Variants in ADD3 observed in about 807,000 individuals in gnomAD.
The protein encoded by ADD3 is adducin 3.
In ADD3, 25 loss-of-function variants were observed where a neutral mutation model predicts 80.2. That is an observed-to-expected ratio of 0.31 (90% CI 0.23 to 0.44). ADD3 has a LOEUF of 0.44. ADD3 is among the 20% of genes least tolerant of loss of function. ADD3 has a pLI of 1.00. For synonymous variants in ADD3, 284 were observed against 289.6 expected (o/e 0.98, Z 0.20); for missense variants, 829 against 847.5 (o/e 0.98, Z 0.27).
chr10:110,111,793 A>T (rs1057278896), intron 2 of ADD3, among the ~76,000 whole-genome samples: 1 of 151,966 alleles, frequency 6.6e-6, no homozygotes, highest in Non-Finnish European at 1.5e-5. Context: ...CATGCCTGTA[A>T]TCCCAGCTAC....
intron 1 of ADD3, among the ~76,000 whole-genome samples, chr10:110,048,944 C>T (rs1292472762): frequency 6.6e-6 from 1 of 152,174 alleles, no homozygotes; most frequent in Admixed American, 6.5e-5. Flanking sequence ...AAACTTTGTG[C>T]CAGCCCCTCC....
chr10:110,043,967 G>C (rs888769912), intron 1 of ADD3, among the ~76,000 whole-genome samples: 2 of 152,176 alleles, frequency 1.3e-5, no homozygotes, highest in African/African-American at 4.8e-5. Context: ...CCAGCACTTT[G>C]GGAGGCTGAG....
In ADD3 at chr10:110,111,508, G is replaced by C. The variant is rs1487166101; in HGVS notation, c.196-1269G>C. Among the ~76,000 whole-genome samples, 5 of 152,130 alleles carry C rather than the reference G, an allele frequency of 3.3e-5. No homozygotes were observed. The South Asian group carries it at 6.2e-4, about 19-fold the overall frequency. On this transcript the variant is annotated intron_variant, in intron 2 of 14. Transcript: ENST00000356080. Reference sequence around the variant, plus strand: ...GAATAGAGGCGTTCTCTTAATATTAGTTCAGGATTTTGATCTCTATAAACA... The same window carrying C: ...GAATAGAGGCGTTCTCTTAATATTACTTCAGGATTTTGATCTCTATAAACA...
chr10:109,997,991 T>G (rs1169993587), intron 1 of ADD3, among the ~76,000 whole-genome samples: 2 of 152,228 alleles, frequency 1.3e-5, no homozygotes, highest in Non-Finnish European at 1.5e-5. Context: ...ATTGGGTATA[T>G]ACTCTGTGAC....
intron 1 of ADD3, among the ~76,000 whole-genome samples, chr10:109,997,224 CTT>C: frequency 6.6e-6 from 1 of 152,200 alleles, no homozygotes. Context: ...AATCTTAAGT[CTT>C]TGTGTTATTA....
At position 110,065,755 on chromosome 10, in the gene ADD3, G is replaced by T. The variant is rs192355605; in HGVS notation, c.-29-34870G>T. Among the ~76,000 whole-genome samples the T allele has an allele frequency of 4.4e-3, 660 of 150,726 alleles. 4 individuals are homozygous for T. The highest frequency in any genetic ancestry group is 0.015 in the African/African-American group (604 of 41,184). On this transcript the variant is annotated intron_variant, in intron 1 of 14. Coordinates refer to ENST00000356080, the MANE Select transcript of ADD3 (RefSeq NM_016824.5). ...AGGTTTCACCATTTTGGCCAGGCTGGTCTCGAACTCCTGACCTTAAATGAT... is the reference window on the plus strand; with the variant it reads ...AGGTTTCACCATTTTGGCCAGGCTGTTCTCGAACTCCTGACCTTAAATGAT...
intron 8 of ADD3, 199 bp from the exon 9 acceptor site, chr10:110,121,911 G>A (rs535577424): frequency 2.2e-6 from 1 of 445,486 alleles, no homozygotes; most frequent in East Asian, 3.4e-5. Context: ...TCAGAGTCTT[G>A]GAAGGTTTCT....
At chr10:110,096,209 A>C (rs1017306622) in intron 1 of ADD3, among the ~76,000 whole-genome samples, 1 of 152,204 alleles carries the variant, frequency 6.6e-6, no homozygotes. Flanking sequence ...TTCTACCTAG[A>C]AATCTTAGTG....
chr10:110,064,779 G>T (rs1164274241), intron 1 of ADD3, among the ~76,000 whole-genome samples: 1 of 151,890 alleles, frequency 6.6e-6, no homozygotes, highest in Non-Finnish European at 1.5e-5. Context: ...TATTAACCAG[G>T]GTATTAGTTC....
chr10:110,077,657 C>T (rs754813132), intron 1 of ADD3, among the ~76,000 whole-genome samples: 3 of 152,130 alleles, frequency 2.0e-5, no homozygotes, highest in African/African-American at 7.2e-5. Flanking sequence ...AAGTTCTGTT[C>T]CATGCCTCAT....
intron 1 of ADD3, among the ~76,000 whole-genome samples, chr10:110,067,712 C>CCTT (rs1844146129): frequency 6.6e-6 from 1 of 152,120 alleles, no homozygotes; most frequent in African/African-American, 2.4e-5. Context: ...ATGGCATGGT[C>CCTT]CACAAGATAA....
chr10:110,025,584 T>TAAGG (rs60500608), intron 1 of ADD3, among the ~76,000 whole-genome samples: 2 of 151,918 alleles, frequency 1.3e-5, no homozygotes, highest in African/African-American at 2.4e-5. Context: ...CAAATAGAAA[T>TAAGG]AGAGAGGGTG....
rs190505052 is a variant in ADD3 at position 110,072,876 on chromosome 10, A to G, written c.-29-27749A>G. Reference sequence around the variant, plus strand: ...TATAGGATGGCAGACTGTTTCATGAAGCTTCCTCCTACATAGAACTCACAC... The same window carrying G: ...TATAGGATGGCAGACTGTTTCATGAGGCTTCCTCCTACATAGAACTCACAC... On this transcript the variant is annotated intron_variant, in intron 1 of 14. Transcript: ENST00000356080. Among the ~76,000 whole-genome samples, 3 of 152,282 alleles carry G rather than the reference A, an allele frequency of 2.0e-5. No individual in the cohort carries two copies. The East Asian group carries it at 5.8e-4, about 29-fold the overall frequency.
intron 1 of ADD3, chr10:110,016,423 C>G (rs1853001780): frequency 6.6e-6 from 1 of 152,100 alleles, no homozygotes; most frequent in South Asian, 2.1e-4. Context: ...AAAGAGAAAC[C>G]TGAAGAAGTT....
chr10:109,998,817 C>G (rs548685537), intron 1 of ADD3, among the ~76,000 whole-genome samples: 2 of 152,258 alleles, frequency 1.3e-5, no homozygotes, highest in South Asian at 2.1e-4. Flanking sequence ...CCTTCTTCAT[C>G]CATCCTAACT....
rs547422472 is a variant in ADD3 at position 110,066,131 on chromosome 10, G to A, written c.-29-34494G>A. ...ACTTGGGGTTTTCTGGACCATGCTG[G>A]TGTATAAACCCAAATCTCAAATCTT... is the stretch of plus-strand genomic sequence containing the variant. On this transcript the variant is annotated intron_variant, in intron 1 of 14. Transcript: ENST00000356080. Among the ~76,000 whole-genome samples the A allele has an allele frequency of 4.3e-4, 65 of 152,206 alleles. 1 individual carries two copies. Among genetic ancestry groups the A allele is most frequent in the South Asian group, 1.7e-3 (8 of 4,822 alleles).
chr10:110,032,356 G>A (rs1589800693), intron 1 of ADD3, among the ~76,000 whole-genome samples: 1 of 152,158 alleles, frequency 6.6e-6, no homozygotes, highest in Non-Finnish European at 1.5e-5. Flanking sequence ...CTCTTAAAGG[G>A]TGGATCCTGC....
chr10:110,031,199 G>A (rs1326424672), intron 1 of ADD3, among the ~76,000 whole-genome samples: 3 of 152,186 alleles, frequency 2.0e-5, no homozygotes, highest in South Asian at 2.1e-4. Context: ...CCTTGAACCC[G>A]GAGGGGGAGG....
intron 3 of ADD3, among the ~76,000 whole-genome samples, chr10:110,113,589 A>C (rs1237325653): frequency 6.6e-6 from 1 of 152,184 alleles, no homozygotes; most frequent in Non-Finnish European, 1.5e-5. Flanking sequence ...ATTTTCTAAA[A>C]TAATAAATCT....
Sources: gnomAD v4.1 joint callset for allele counts (sites outside exome capture counted in the v4.1 genomes callset) on GRCh38, gnomAD v4.1.1 for gene constraint, MANE v1.5 for transcripts, NCBI Gene and HGNC (gene_info 2026-07-23, HGNC 2026-07-21) for gene names.